MKI67: variants seen among roughly 807,000 people sequenced by gnomAD.
MKI67 encodes proliferation marker protein Ki-67.
Under a neutral mutation model 233.5 loss-of-function variants are expected in MKI67, and 152 were observed. That is an observed-to-expected ratio of 0.65 (90% confidence interval 0.57 to 0.74). The LOEUF (loss-of-function observed/expected upper bound fraction) is 0.74, where lower values mean the gene tolerates loss of function less well. Ranked by LOEUF, MKI67 falls within the 30% of genes least tolerant of loss-of-function variation. The pLI, the probability that MKI67 is intolerant of heterozygous loss-of-function variation, is 0.00. For synonymous variants in MKI67, 1,465 were observed against 1,418.5 expected, an observed-to-expected ratio of 1.03 and a Z score of -0.74; for missense variants, 3,940 against 3,885.2, an observed-to-expected ratio of 1.01 and a Z score of -0.37.
In MKI67 at chr10:128,104,638, T is replaced by G. The variant is rs994209899; in HGVS notation, c.7202A>C (p.Asn2401Thr). Reference sequence around the variant, plus strand: ...CTGCACTGGAGTTTCCACAAATGTGTTGATATTTTTCTCATCACTTACTGC... The same window carrying G: ...CTGCACTGGAGTTTCCACAAATGTGGTGATATTTTTCTCATCACTTACTGC... Reference protein sequence around the residue: ...KPAVSDEKNINTFVETPVQKL... With the variant: ...KPAVSDEKNITTFVETPVQKL... The change falls in exon 13 of 15, where the codon AAC becomes ACC. Residue 2401 changes from asparagine to threonine, a missense_variant. Coordinates refer to ENST00000368654, the MANE Select transcript of MKI67 (RefSeq NM_002417.5). The G allele has an allele frequency of 6.2e-6, 10 of 1,613,798 alleles. No individual in the cohort carries two copies. The African/African-American group carries it at 1.2e-4, about 19-fold the overall frequency.
At chr10:128,100,099 C>T (rs1049410610) in intron 14 of MKI67, among the ~76,000 whole-genome samples, 1 of 152,206 alleles carries the variant, frequency 6.6e-6, no homozygotes, top group South Asian at 2.1e-4. Context: ...TCAGCTGTTG[C>T]GTCCCTGGTG....
intron 2 of MKI67, among the ~76,000 whole-genome samples, chr10:128,124,515 C>T (rs1853015664): frequency 6.6e-6 from 1 of 152,204 alleles, no homozygotes; most frequent in South Asian, 2.1e-4. Flanking sequence ...AACCACTGTT[C>T]TCAAGAGATT....
At position 128,110,405 on chromosome 10, in the gene MKI67, GTTC is replaced by G; in HGVS notation, c.2386_2388del (p.Glu796del). 2 of 1,574,410 alleles carry G rather than the reference GTTC, an allele frequency of 1.3e-6. No homozygotes were observed. The highest frequency in any genetic ancestry group is 8.7e-7 in the Non-Finnish European group (1 of 1,149,506). On this transcript the variant is annotated inframe_deletion, in exon 12 of 15. Transcript: ENST00000368654. ...AAACTCTCTGAGGTGGGGAGCAGAG[GTTC>G]TTCTCCTGAATCAGTTCCTTGAAAC...
rs1354355412 is a variant in MKI67 at position 128,099,552 on chromosome 10, C to A, written c.9706-297G>T. Among the ~76,000 whole-genome samples, 8 of 152,338 alleles carry A rather than the reference C, an allele frequency of 5.3e-5. No homozygotes were observed. The East Asian group carries it at 1.5e-3, about 29-fold the overall frequency. On this transcript the variant is annotated intron_variant, in intron 14 of 14. Transcript: ENST00000368654. Reference sequence around the variant, plus strand: ...AATAAAATTTCTTCATCGATGCACACATTTTCACAAACTAAAAAATGTCAC... The same window carrying A: ...AATAAAATTTCTTCATCGATGCACAAATTTTCACAAACTAAAAAATGTCAC...
In MKI67 at chr10:128,107,557, T is replaced by C. The variant is rs1190191880; in HGVS notation, c.4283A>G (p.Asp1428Gly). The change falls in exon 13 of 15, where the codon GAT becomes GGT. Residue 1428 changes from aspartate (D) to glycine (G), a missense_variant. Coordinates refer to ENST00000368654, the MANE Select transcript of MKI67 (RefSeq NM_002417.5). Reference sequence around the variant, plus strand: ...TTCCCTAAACGCGTTGATGCTTTTATCCTCACCTCCTGGTACTTTATCTGT... The same window carrying C: ...TTCCCTAAACGCGTTGATGCTTTTACCCTCACCTCCTGGTACTTTATCTGT... ...THTDKVPGGEDKSINAFRETA... is the reference protein window; with the variant it reads ...THTDKVPGGEGKSINAFRETA... The C allele has an allele frequency of 1.2e-6, 2 of 1,614,122 alleles. No homozygotes were observed. Among genetic ancestry groups the C allele is most frequent in the Non-Finnish European group, 1.7e-6 (2 of 1,180,016 alleles).
chr10:128,112,011 A>T lies in MKI67; in HGVS notation c.2004T>A (p.Gly668=). 2 of 1,613,480 alleles carry T rather than the reference A, an allele frequency of 1.2e-6. No homozygotes were observed. Among genetic ancestry groups the T allele is most frequent in the Non-Finnish European group, 1.7e-6 (2 of 1,179,896 alleles). The part of the protein sequence containing the change: ...AKSWADVVKL[G]AKQTQTKVIK... ...TGACTTTAGTTTGTGTTTGTTTTGC[A>T]CCAAGTTTTACTACATCTGCCCATG... The change falls in exon 10 of 15, where the codon GGT becomes GGA. Residue 668 remains glycine, a synonymous_variant. Coordinates refer to ENST00000368654, the MANE Select transcript of MKI67 (RefSeq NM_002417.5).
Position 128,125,503 on chromosome 10 carries a change from TG to T in MKI67, c.92+72del. On this transcript the variant is annotated intron_variant, in intron 2 of 14. Transcript: ENST00000368654. The surrounding 1 kb of genome is among the most constrained non-coding windows in gnomAD (Gnocchi z 5.3). Reference sequence around the variant, plus strand: ...AGGACCCAATCCTAGAGCGCGTTTCTGGACTTTATTCTGTGACTAAGGTATT... The same window carrying T: ...AGGACCCAATCCTAGAGCGCGTTTCTGACTTTATTCTGTGACTAAGGTATT... 7.9e-7 allele frequency: 1 copy of T among 1,264,062 alleles called. No individual in the cohort carries two copies. Among genetic ancestry groups the T allele is most frequent in the Non-Finnish European group, 1.2e-6 (1 of 867,546 alleles). The allele number at this position is 1,264,062 out of a possible 1,614,324, so 78.3% of individuals were successfully genotyped here.
intron 11 of MKI67, 89 bp downstream of exon 11, chr10:128,111,556 G>C: frequency 4.1e-6 from 4 of 975,686 alleles, no homozygotes; most frequent in Non-Finnish European, 4.5e-6. Context: ...CTCTTTCACA[G>C]CAGATAAACA....
At chr10:128,111,512 C>T (rs1852673304) in intron 11 of MKI67, 133 bp downstream of exon 11, 2 of 851,428 alleles carry the variant, frequency 2.3e-6, no homozygotes, top group East Asian at 2.7e-5. Context: ...ACACTAAGAC[C>T]CCAGAAGGGT....
chr10:128,106,964 G>C lies in MKI67; in HGVS notation c.4876C>G (p.Pro1626Ala), dbSNP rs369490366. 1 of 1,613,928 alleles carries C rather than the reference G, an allele frequency of 6.2e-7. No homozygotes were observed. Among genetic ancestry groups the C allele is most frequent in the Non-Finnish European group, 8.5e-7 (1 of 1,180,040 alleles). Residue 1626 changes from proline (P) to alanine (A), a missense_variant, in exon 13 of 15, where the codon CCA (proline) becomes GCA (alanine). Pro to Ala is a conservative substitution (Grantham distance 27). Transcript: ENST00000368654. ...TTGAGCCGTCGCTTGGAGCTTGCTG[G>C]GTTTTTGTCTGGGTCTGGTTGTGAA... ...KSSQPDPDKN[P>A]ASSKRRLKTS...
Position 128,105,505 on chromosome 10 carries a change from T to C in MKI67, c.6335A>G (p.Asp2112Gly). ...CCGCCTCCTTGTGCTTGTTGGAGTG[T>C]CCATTGATTCTGGTGGTGGAGATTT... ...ACKSPPPESM[D>G]TPTSTRRRPK... The change falls in exon 13 of 15, where the codon GAC (aspartate) becomes GGC (glycine). Residue 2112 changes from aspartate to glycine, a missense_variant. By Grantham distance (94) the Asp-to-Gly change is moderately conservative. Coordinates refer to ENST00000368654, the MANE Select transcript of MKI67 (RefSeq NM_002417.5). 2 of 1,613,972 alleles carry C rather than the reference T, an allele frequency of 1.2e-6. No homozygotes were observed. The highest frequency in any genetic ancestry group is 2.2e-5 in the South Asian group (2 of 91,068).
At position 128,106,390 on chromosome 10, in the gene MKI67, C is replaced by G. The variant is rs45438392; in HGVS notation, c.5450G>C (p.Arg1817Thr). The G allele has an allele frequency of 0.011, 17,714 of 1,613,886 alleles. 120 individuals carry two copies. Among genetic ancestry groups the G allele is most frequent in the Non-Finnish European group, 0.014 (15,963 of 1,179,988 alleles). ...DQPGNLPGSN[R>T]RLQTRKEKAQ... Reference sequence around the variant, plus strand: ...CTTTTCCTTACGAGTTTGTAGCCGTCTATTGCTGCCAGGTAAATTTCCTGG... The same window carrying G: ...CTTTTCCTTACGAGTTTGTAGCCGTGTATTGCTGCCAGGTAAATTTCCTGG... Residue 1817 changes from arginine (R) to threonine (T), a missense_variant, in exon 13 of 15, where the codon AGA becomes ACA. Transcript: ENST00000368654.
At chr10:128,122,781 C>A in intron 4 of MKI67, 100 bp downstream of exon 4, 1 of 563,860 alleles carries the variant, frequency 1.8e-6, no homozygotes, top group Non-Finnish European at 3.1e-6. Context: ...AATACTTTGA[C>A]ATCCATGAAC....
In MKI67 at chr10:128,105,287, TAGG is replaced by T. The variant is rs1342496565; in HGVS notation, c.6550_6552del (p.Pro2184del). Reference sequence around the variant, plus strand: ...TCTTCTAGGGGTTGGGCTTTTCCCTTAGGAGTTCTTGGCTGCCTCTTGCTACCA... The same window carrying T: ...TCTTCTAGGGGTTGGGCTTTTCCCTTAGTTCTTGGCTGCCTCTTGCTACCA... On this transcript the variant is annotated inframe_deletion, in exon 13 of 15. Coordinates refer to ENST00000368654, the MANE Select transcript of MKI67 (RefSeq NM_002417.5). 8 of 1,614,044 alleles carry T rather than the reference TAGG, an allele frequency of 5.0e-6. No homozygotes were observed. The highest frequency in any genetic ancestry group is 1.1e-5 in the South Asian group (1 of 91,092).
rs1852470526 is a variant in MKI67, at chr10:128,105,712, T to C, written c.6128A>G (p.Lys2043Arg). 2 of 1,614,192 alleles carry C rather than the reference T, an allele frequency of 1.2e-6. No homozygotes were observed. Among genetic ancestry groups the C allele is most frequent in the East Asian group, 2.2e-5 (1 of 44,876 alleles). ...AGDGKSIKAF[K>R]ESAKQMLDPA... is the part of the protein sequence containing the mutation. ...GTCCAGCATCTGCTTTGCAGATTCC[T>C]TAAACGCTTTGATGCTCTTTCCATC... Residue 2043 changes from lysine (K) to arginine (R), a missense_variant, in exon 13 of 15, where the codon AAG (lysine) becomes AGG (arginine). By Grantham distance (26) the Lys-to-Arg change is conservative. Coordinates refer to ENST00000368654, the MANE Select transcript of MKI67 (RefSeq NM_002417.5).
At chr10:128,121,357 T>C (rs997914323) in intron 4 of MKI67, among the ~76,000 whole-genome samples, 17 of 144,718 alleles carry the variant, frequency 1.2e-4, no homozygotes, top group Non-Finnish European at 2.2e-4. Context: ...TTACATATTA[T>C]ATATGTATAT....
At chr10:128,111,585 T>TA (rs1852675066) in intron 11 of MKI67, 60 bp downstream of exon 11, 1 of 1,153,470 alleles carries the variant, frequency 8.7e-7, no homozygotes, top group African/African-American at 1.6e-5. Context: ...AAAACAAACA[T>TA]TAACACAGTA....
chr10:128,124,150 A>G (rs1853009310), intron 2 of MKI67, among the ~76,000 whole-genome samples: 1 of 152,246 alleles, frequency 6.6e-6, no homozygotes, highest in Non-Finnish European at 1.5e-5. Context: ...CTGCCACTGG[A>G]GATGAAATGT....
At chr10:128,119,517 T>C (rs969951421) in intron 4 of MKI67, among the ~76,000 whole-genome samples, 198 bp from the exon 5 acceptor site, 2 of 152,212 alleles carry the variant, frequency 1.3e-5, no homozygotes, top group African/African-American at 4.8e-5. Context: ...TCGAGTTTGT[T>C]TTGAAATACC....
Sources: allele counts gnomAD v4.1 joint callset (sites outside exome capture counted in the v4.1 genomes callset), GRCh38; gene constraint gnomAD v4.1.1; non-coding constraint Gnocchi (gnomAD v3.1); transcripts MANE v1.5; gene names NCBI Gene and HGNC (gene_info 2026-07-23, HGNC 2026-07-21).